Variants in NHS observed in about 807,000 individuals in gnomAD.
NHS encodes NHS actin remodeling regulator.
A neutral mutation model predicts 72.5 loss-of-function variants in NHS; 5 were observed. The ratio of observed to expected loss-of-function variants is 0.07; its 90% CI spans 0.04 to 0.14. The LOEUF (loss-of-function observed/expected upper bound fraction) is 0.14. Ranked by LOEUF, NHS falls within the 10% of genes least tolerant of loss-of-function variation. NHS has a pLI of 1.00. For missense variants in NHS, 1,072 were observed against 1,355.7 expected (o/e 0.79, Z 3.29); for synonymous variants, 464 against 547.7 (o/e 0.85, Z 2.13).
intron 1 of NHS, among the ~76,000 whole-genome samples, chrX:17,505,766 G>A (rs1053412626): frequency 5.4e-5 from 6 of 110,444 alleles, no homozygotes; most frequent in African/African-American, 6.6e-5. Flanking sequence ...TTTCTAAATC[G>A]CACTGTCTCT....
Position 17,424,697 on chromosome X carries a change from A to G in NHS, c.565+48375A>G, listed in dbSNP as rs780494147. Among the ~76,000 whole-genome samples, 5 of 112,403 alleles carry G rather than the reference A, an allele frequency of 4.4e-5. No homozygotes were observed. In the East Asian group the frequency reaches 1.4e-3, roughly 31 times the overall value. On this transcript the variant is annotated intron_variant, in intron 1 of 8. Coordinates refer to ENST00000676302, the MANE Select transcript of NHS (RefSeq NM_001291867.2). Reference sequence around the variant, plus strand: ...TTTGCTTGTTATCTTAAAAAATTCTATAAAATTCTTTTGAGAAGTTTCTCT... The same window carrying G: ...TTTGCTTGTTATCTTAAAAAATTCTGTAAAATTCTTTTGAGAAGTTTCTCT...
At chrX:17,465,344 GCACT>G (rs1186967602) in intron 1 of NHS, among the ~76,000 whole-genome samples, 1 of 111,612 alleles carries the variant, frequency 9.0e-6, no homozygotes, top group Non-Finnish European at 1.9e-5. Flanking sequence ...AATTAAAGAA[GCACT>G]TTGGAGGCCT....
chrX:17,631,776 C>T (rs1569297058), intron 1 of NHS, among the ~76,000 whole-genome samples: 1 of 111,946 alleles, frequency 8.9e-6, no homozygotes, highest in Admixed American at 9.5e-5. Context: ...TCAACAAAGG[C>T]TTTAAAAAGA....
chrX:17,583,221 A>G (rs746590170), intron 1 of NHS, among the ~76,000 whole-genome samples: 1 of 112,003 alleles, frequency 8.9e-6, no homozygotes, highest in African/African-American at 3.2e-5. Flanking sequence ...TGCAAGTCAG[A>G]TAAGGTCCTT....
chrX:17,600,811 G>A (rs1298212503), intron 1 of NHS, among the ~76,000 whole-genome samples: 1 of 110,316 alleles, frequency 9.1e-6, no homozygotes, highest in African/African-American at 3.3e-5. Flanking sequence ...GAGCGAGAAG[G>A]AAGGAGAGAA....
At chrX:17,410,712 G>A (rs1317267504) in intron 1 of NHS, among the ~76,000 whole-genome samples, 1 of 110,195 alleles carries the variant, frequency 9.1e-6, no homozygotes, top group East Asian at 2.8e-4. Flanking sequence ...ATAAGCCCAT[G>A]AGCAGATGTT....
At chrX:17,396,094 T>G (rs1415548060) in intron 1 of NHS, among the ~76,000 whole-genome samples, 3 of 112,051 alleles carry the variant, frequency 2.7e-5, no homozygotes, top group African/African-American at 9.7e-5. Flanking sequence ...TACTGTGCAT[T>G]TTATTGCATG....
At chrX:17,597,744 C>T (rs2065631813) in intron 1 of NHS, among the ~76,000 whole-genome samples, 1 of 110,495 alleles carries the variant, frequency 9.1e-6, no homozygotes, top group Non-Finnish European at 1.9e-5. Flanking sequence ...GATTGAAGAG[C>T]CAGCTGTGTC....
At chrX:17,594,012 A>G (rs1402681791) in intron 1 of NHS, among the ~76,000 whole-genome samples, 12 of 111,792 alleles carry the variant, frequency 1.1e-4, no homozygotes, top group Non-Finnish European at 3.8e-5. Context: ...AGAAGCACCT[A>G]CTATATACCA....
At chrX:17,403,101 C>T (rs996041349) in intron 1 of NHS, among the ~76,000 whole-genome samples, 13 of 111,759 alleles carry the variant, frequency 1.2e-4, no homozygotes, top group African/African-American at 4.2e-4. Flanking sequence ...TCTTTTTGGT[C>T]CTTGGTCTTT....
chrX:17,719,866 T>G (rs992972854), intron 4 of NHS, among the ~76,000 whole-genome samples: 1 of 111,578 alleles, frequency 9.0e-6, no homozygotes, highest in African/African-American at 3.3e-5. Context: ...AGTCCATTGT[T>G]ATTCAAGGAA....
chrX:17,580,418 A>G (rs1170590144), intron 1 of NHS, among the ~76,000 whole-genome samples: 1 of 112,225 alleles, frequency 8.9e-6, no homozygotes, highest in Non-Finnish European at 1.9e-5. Context: ...AAGCAGAGAA[A>G]GTCCCTTCCC....
At chrX:17,559,018 C>T (rs1262383341) in intron 1 of NHS, among the ~76,000 whole-genome samples, 1 of 112,465 alleles carries the variant, frequency 8.9e-6, no homozygotes, top group Non-Finnish European at 1.9e-5. Flanking sequence ...GCCTTTTTAT[C>T]TCCCAGGGGT....
chrX:17,491,827 C>T (rs1162594510), intron 1 of NHS, among the ~76,000 whole-genome samples: 1 of 87,397 alleles, frequency 1.1e-5, no homozygotes, highest in Admixed American at 1.4e-4. Context: ...TTGTTCTATT[C>T]AGGGATTCGA....
At chrX:17,696,704 T>C (rs762744821) in intron 3 of NHS, among the ~76,000 whole-genome samples, 4 of 111,835 alleles carry the variant, frequency 3.6e-5, no homozygotes, top group Non-Finnish European at 7.5e-5. Flanking sequence ...GATCGAAATA[T>C]ACACTGAGAC....
intron 1 of NHS, among the ~76,000 whole-genome samples, chrX:17,623,468 C>T (rs1193959659): frequency 1.8e-5 from 2 of 110,389 alleles, no homozygotes; most frequent in East Asian, 2.9e-4. Flanking sequence ...TTTGCATGTG[C>T]GTGTGGGAAG....
chrX:17,721,260 T>G (rs2066404183), intron 4 of NHS, among the ~76,000 whole-genome samples, 181 bp from the exon 5 acceptor site: 1 of 112,260 alleles, frequency 8.9e-6, no homozygotes, highest in East Asian at 2.8e-4. Flanking sequence ...CCTTTTGTGT[T>G]GCTTGACTAT....
chrX:17,620,013 A>T (rs1483241718), intron 1 of NHS, among the ~76,000 whole-genome samples: 1 of 110,763 alleles, frequency 9.0e-6, no homozygotes, highest in Non-Finnish European at 1.9e-5. Flanking sequence ...AGTGCCTGAC[A>T]CATACACATT....
intron 1 of NHS, among the ~76,000 whole-genome samples, chrX:17,546,469 G>C (rs1434366078): frequency 1.8e-5 from 2 of 112,297 alleles, no homozygotes; most frequent in Non-Finnish European, 3.8e-5. Context: ...TTATGTTTTG[G>C]CTACATGGTG....
Sources: allele counts gnomAD v4.1 joint callset (sites outside exome capture counted in the v4.1 genomes callset), GRCh38; gene constraint gnomAD v4.1.1; transcripts MANE v1.5; gene names NCBI Gene and HGNC (gene_info 2026-07-23, HGNC 2026-07-21).